CILK1: variants seen among roughly 807,000 people sequenced by gnomAD.
The protein encoded by CILK1 is serine/threonine-protein kinase ICK.
A neutral mutation model predicts 79.2 loss-of-function variants in CILK1; 47 were observed. The observed-to-expected ratio is 0.59, with a 90% CI of 0.47 to 0.76. CILK1 has a LOEUF of 0.76. CILK1 is among the 30% of genes least tolerant of loss of function. The pLI is 0.00. For missense variants in CILK1, 660 were observed against 769.5 expected, an observed-to-expected ratio of 0.86 and a Z score of 1.68; for synonymous variants, 266 against 275.9, an observed-to-expected ratio of 0.96 and a Z score of 0.36.
chr6:53,007,402 GA>G (rs1314762738), intron 12 of CILK1, among the ~76,000 whole-genome samples: 4 of 152,114 alleles, frequency 2.6e-5, no homozygotes, highest in African/African-American at 9.7e-5. Flanking sequence ...TCACAAAAGA[GA>G]AAAAACTTAT....
chr6:53,037,690 A>G (rs1340904672), intron 3 of CILK1, among the ~76,000 whole-genome samples: 1 of 152,222 alleles, frequency 6.6e-6, no homozygotes, highest in Non-Finnish European at 1.5e-5. Context: ...AATTCACTAA[A>G]TCAACACATT....
At chr6:53,019,824 GTTTTTTTGTTTTTTT>G (rs1765123128) in intron 5 of CILK1, among the ~76,000 whole-genome samples, 2 of 132,980 alleles carry the variant, frequency 1.5e-5, no homozygotes, top group South Asian at 2.2e-4. Context: ...TGCCTGGCTA[GTTTTTTTGTTTTTTT>G]TTTTTTTGTT....
At chr6:53,043,374 T>C (rs1476942069) in intron 1 of CILK1, among the ~76,000 whole-genome samples, 1 of 151,828 alleles carries the variant, frequency 6.6e-6, no homozygotes, top group Non-Finnish European at 1.5e-5. Context: ...GACTGTGTTC[T>C]CCTGAAAGCC....
chr6:53,031,731 A>T (rs1581724341), intron 4 of CILK1, among the ~76,000 whole-genome samples: 1 of 152,250 alleles, frequency 6.6e-6, no homozygotes, highest in Non-Finnish European at 1.5e-5. Context: ...CTCAAAATCC[A>T]GGAAGCTGTG....
intron 4 of CILK1, 85 bp downstream of exon 4, chr6:53,032,448 G>C (rs1442727120): frequency 1.2e-6 from 1 of 816,860 alleles, no homozygotes; most frequent in Non-Finnish European, 1.7e-6. Context: ...AAAAAAAGGA[G>C]AGAAAGAAAA....
At chr6:53,052,938 ATT>A (rs757162225) in intron 1 of CILK1, among the ~76,000 whole-genome samples, 1 of 135,942 alleles carries the variant, frequency 7.4e-6, no homozygotes, top group Non-Finnish European at 1.6e-5. Context: ...GCCACTTGCC[ATT>A]TTTTTTTTTT....
intron 5 of CILK1, among the ~76,000 whole-genome samples, chr6:53,023,518 T>G (rs1040381423): frequency 6.6e-6 from 1 of 152,218 alleles, no homozygotes; most frequent in South Asian, 2.1e-4. Context: ...AATGACCCAG[T>G]AGTGCAGGGG....
chr6:53,060,085 T>G (rs1227360218), intron 1 of CILK1, among the ~76,000 whole-genome samples: 2 of 152,168 alleles, frequency 1.3e-5, no homozygotes, highest in African/African-American at 4.8e-5. Context: ...TGTTTCAAGA[T>G]TAACATAATT....
intron 5 of CILK1, among the ~76,000 whole-genome samples, chr6:53,022,653 C>A (rs547351028): frequency 6.6e-6 from 1 of 152,300 alleles, no homozygotes; most frequent in East Asian, 1.9e-4. Flanking sequence ...TAATAATGTG[C>A]CCTTTACTCC....
intron 13 of CILK1, 69 bp from the exon 14 acceptor site, chr6:53,005,372 T>G: frequency 6.5e-7 from 1 of 1,543,036 alleles, no homozygotes; most frequent in Non-Finnish European, 8.9e-7. Flanking sequence ...AATAAATGCA[T>G]TTTGGTGACA....
intron 1 of CILK1, among the ~76,000 whole-genome samples, chr6:53,052,627 A>C (rs1462231470): frequency 6.6e-6 from 1 of 152,082 alleles, no homozygotes; most frequent in Non-Finnish European, 1.5e-5. Context: ...GTTACTCAGA[A>C]GGCTGAGGCA....
chr6:53,028,816 G>A (rs1765740577), intron 5 of CILK1, among the ~76,000 whole-genome samples: 1 of 148,716 alleles, frequency 6.7e-6, no homozygotes, highest in African/African-American at 2.5e-5. Flanking sequence ...ATGTACTACA[G>A]ATGAGTGTGT....
chr6:53,016,812 T>C (rs1453319127), intron 7 of CILK1, among the ~76,000 whole-genome samples: 2 of 152,220 alleles, frequency 1.3e-5, no homozygotes, highest in Non-Finnish European at 2.9e-5. Context: ...TGATGGAAAA[T>C]GCTAAAGAAA....
At chr6:53,011,193 A>G (rs1405962017) in intron 11 of CILK1, among the ~76,000 whole-genome samples, 1 of 152,138 alleles carries the variant, frequency 6.6e-6, no homozygotes, top group African/African-American at 2.4e-5. Flanking sequence ...CTGGTCTGGT[A>G]GAGGGGCCTC....
rs78702207 is a variant in CILK1, at chr6:53,006,526, C to A, written c.1622-89G>T. Reference sequence around the variant, plus strand: ...AAATGACAGCACTGCAGAGCAATAACAAACTAAGTTTTTACTTTTAGGGAA... The same window carrying A: ...AAATGACAGCACTGCAGAGCAATAAAAAACTAAGTTTTTACTTTTAGGGAA... On this transcript the variant is annotated intron_variant, in intron 12 of 13. Transcript: ENST00000676107. 489 of 1,446,086 alleles carry A rather than the reference C, an allele frequency of 3.4e-4. No individual in the cohort carries two copies. The African/African-American group carries it at 6.4e-3, about 19-fold the overall frequency. 89.6% of individuals were successfully genotyped at this position (1,446,086 alleles called of 1,614,324 possible). A position where few individuals can be genotyped will look rare whatever the true frequency, so the allele number is the denominator to read the frequency against.
intron 8 of CILK1, 69 bp from the exon 9 acceptor site, chr6:53,014,051 G>T (rs1764753234): frequency 8.2e-7 from 1 of 1,223,754 alleles, no homozygotes; most frequent in Non-Finnish European, 1.2e-6. Flanking sequence ...TGATTACTGG[G>T]CTATATTTCA....
intron 1 of CILK1, among the ~76,000 whole-genome samples, chr6:53,053,739 T>C (rs1006812791): frequency 2.0e-5 from 3 of 152,206 alleles, no homozygotes; most frequent in Non-Finnish European, 4.4e-5. Context: ...ATGTTCTAAT[T>C]GTCTTCATTC....
In CILK1 at chr6:53,012,207, C is replaced by T. The variant is rs1320187978; in HGVS notation, c.1173G>A (p.Glu391=). 6.2e-7 allele frequency: 1 copy of T among 1,614,040 alleles called. No individual in the cohort carries two copies. The highest frequency in any genetic ancestry group is 1.3e-5 in the African/African-American group (1 of 74,924). Residue 391 remains glutamate, a synonymous_variant, in exon 10 of 14, where the codon GAG becomes GAA. Coordinates refer to ENST00000676107, the MANE Select transcript of CILK1 (RefSeq NM_014920.5). ...HPQSKITAGL[E]HKNGEIKPKS... is the part of the protein sequence containing the mutation. Reference sequence around the variant, plus strand: ...TTGGCTTTATCTCACCATTTTTGTGCTCCAGGCCAGCTGTGATTTTCTGTG... The same window carrying T: ...TTGGCTTTATCTCACCATTTTTGTGTTCCAGGCCAGCTGTGATTTTCTGTG...
rs1763975671 is a variant in CILK1 at position 53,002,226 on chromosome 6, TC to T, written c.*2922del. 1 of 152,242 alleles carries T rather than the reference TC, an allele frequency of 6.6e-6. No homozygotes were observed. Among genetic ancestry groups the T allele is most frequent in the African/African-American group, 2.4e-5 (1 of 41,452 alleles). The allele number at this position is 152,242 out of a possible 1,614,324, so 9.4% of individuals were successfully genotyped here. A position where few individuals can be genotyped will look rare whatever the true frequency, so the allele number is the denominator to read the frequency against. On this transcript the variant is annotated 3_prime_UTR_variant, in exon 14 of 14. Coordinates refer to ENST00000676107, the MANE Select transcript of CILK1 (RefSeq NM_014920.5). ...AGTAGTTTTTATGCAAATGCAGTTT[TC>T]CCTACTCTGCTGGCACTACCTGGGG...
Sources: allele counts gnomAD v4.1 joint callset (sites outside exome capture counted in the v4.1 genomes callset), GRCh38; gene constraint gnomAD v4.1.1; transcripts MANE v1.5; gene names NCBI Gene and HGNC (gene_info 2026-07-23, HGNC 2026-07-21).